MYCBP2: variants seen among roughly 807,000 people sequenced by gnomAD.
The protein encoded by MYCBP2 is E3 ubiquitin-protein ligase MYCBP2.
A neutral mutation model predicts 525.3 loss-of-function variants in MYCBP2; 120 were observed. The observed-to-expected ratio is 0.23, with a 90% CI of 0.20 to 0.27. The LOEUF (loss-of-function observed/expected upper bound fraction) is 0.27. MYCBP2 is among the 10% of genes least tolerant of loss of function. The pLI, the probability that MYCBP2 is intolerant of heterozygous loss-of-function variation, is 1.00. For synonymous variants in MYCBP2, 1,894 were observed against 1,955.8 expected (o/e 0.97, Z 0.83); for missense variants, 4,149 against 5,657.1 (o/e 0.73, Z 8.55).
chr13:77,090,493 T>C (rs56243387), intron 59 of MYCBP2: 10,388 of 321,238 alleles, frequency 0.032, 230 homozygotes, highest in Middle Eastern at 0.063. Context: ...ATCTACTTTG[T>C]ATTTTAAATG....
At chr13:77,108,171 T>C (rs1327014767) in intron 55 of MYCBP2, among the ~76,000 whole-genome samples, 2 of 152,186 alleles carry the variant, frequency 1.3e-5, no homozygotes, top group African/African-American at 4.8e-5. Flanking sequence ...GGAAAGAAGA[T>C]GGGACACATA....
chr13:77,046,211 T>C (rs1040896636), intron 82 of MYCBP2, among the ~76,000 whole-genome samples: 6 of 152,220 alleles, frequency 3.9e-5, no homozygotes, highest in Non-Finnish European at 5.9e-5. Context: ...CTTCACGTCA[T>C]GGGTTTCATA....
chr13:77,246,253 A>G (rs1372740468), intron 15 of MYCBP2, among the ~76,000 whole-genome samples: 2 of 152,230 alleles, frequency 1.3e-5, no homozygotes, highest in Non-Finnish European at 2.9e-5. Context: ...CACTTTTAAA[A>G]GCAAGCATTA....
intron 27 of MYCBP2, among the ~76,000 whole-genome samples, chr13:77,192,563 G>C (rs1322593228): frequency 2.0e-5 from 3 of 152,160 alleles, no homozygotes; most frequent in African/African-American, 7.2e-5. Flanking sequence ...AAAGAAGCAG[G>C]AGAATGTCAT....
At chr13:77,196,841 G>T (rs758379795) in intron 26 of MYCBP2, among the ~76,000 whole-genome samples, 1 of 152,302 alleles carries the variant, frequency 6.6e-6, no homozygotes. Context: ...CAGAGAAGAG[G>T]TTTATAAATT....
intron 15 of MYCBP2, among the ~76,000 whole-genome samples, chr13:77,245,834 A>G (rs9593217): frequency 7.3e-6 from 1 of 137,188 alleles, no homozygotes; most frequent in Admixed American, 8.0e-5. Context: ...ATACATATAT[A>G]TGTATATATA....
chr13:77,073,697 G>A (rs2041782719), intron 68 of MYCBP2, among the ~76,000 whole-genome samples: 1 of 152,006 alleles, frequency 6.6e-6, no homozygotes, highest in African/African-American at 2.4e-5. Context: ...TCACAGGGTA[G>A]AAATCTAATA....
intron 40 of MYCBP2, 113 bp from the exon 41 acceptor site, chr13:77,166,667 T>A: frequency 1.7e-6 from 1 of 598,354 alleles, no homozygotes; most frequent in South Asian, 4.4e-5. Context: ...CACAACAGGA[T>A]AAAGTACAAA....
chr13:77,191,375 C>A (rs1012338742), intron 28 of MYCBP2, among the ~76,000 whole-genome samples: 1 of 152,154 alleles, frequency 6.6e-6, no homozygotes, highest in Non-Finnish European at 1.5e-5. Context: ...CCAAACTCCT[C>A]ATTTTCCTTG....
chr13:77,180,151 C>G lies in MYCBP2; in HGVS notation c.5109G>C (p.Leu1703=), dbSNP rs2060086871. Reference sequence around the variant, plus strand: ...CCTCAGATCCCAGGGCTGACGCTGTCAGTTCACTGACAATGCTGGCCAGTA... The same window carrying G: ...CCTCAGATCCCAGGGCTGACGCTGTGAGTTCACTGACAATGCTGGCCAGTA... ...CGLLASIVSE[L]TASALGSEVD... is the part of the protein sequence containing the mutation. The change falls in exon 34 of 83, where the codon CTG becomes CTC. Residue 1703 remains leucine (L), a synonymous_variant. Coordinates refer to ENST00000544440, the MANE Select transcript of MYCBP2 (RefSeq NM_015057.5). 1 of 1,613,956 alleles carries G rather than the reference C, an allele frequency of 6.2e-7. No homozygotes were observed. Among genetic ancestry groups the G allele is most frequent in the East Asian group, 2.2e-5 (1 of 44,882 alleles).
Position 77,270,283 on chromosome 13 carries a change from G to T in MYCBP2, c.1188+13C>A. 2 of 1,597,952 alleles carry T rather than the reference G, an allele frequency of 1.3e-6. No individual in the cohort carries two copies. The highest frequency in any genetic ancestry group is 4.5e-5 in the East Asian group (2 of 44,562). On this transcript the variant is annotated intron_variant, in intron 6 of 82. Transcript: ENST00000544440. ...ACTCTGTATAATTAAGGAACTGTAA[G>T]GAATCACATTACCCTAACTGTTCCA...
intron 55 of MYCBP2, chr13:77,099,297 T>C: frequency 2.9e-6 from 1 of 341,416 alleles, no homozygotes; most frequent in Non-Finnish European, 5.3e-6. Context: ...TCTGCCCTAG[T>C]GCAATAACTA....
intron 15 of MYCBP2, among the ~76,000 whole-genome samples, chr13:77,249,806 A>G (rs966183312): frequency 2.0e-5 from 3 of 152,240 alleles, no homozygotes; most frequent in African/African-American, 7.2e-5. Flanking sequence ...AAATTTAAAA[A>G]TAAAGAAGTT....
intron 63 of MYCBP2, among the ~76,000 whole-genome samples, chr13:77,082,759 G>A (rs937550486): frequency 6.6e-6 from 1 of 152,018 alleles, no homozygotes; most frequent in Non-Finnish European, 1.5e-5. Context: ...AGTGATTTGA[G>A]GTAGGAGACT....
chr13:77,285,816 A>AAAAGGG, intron 3 of MYCBP2, among the ~76,000 whole-genome samples: 1 of 151,710 alleles, frequency 6.6e-6, no homozygotes, highest in Middle Eastern at 3.4e-3. Context: ...AAGGCAAAGG[A>AAAAGGG]AAAGGGAAAA....
rs570029200 is a variant in MYCBP2 at position 77,098,793 on chromosome 13, T to C, written c.8361A>G (p.Ser2787=). Residue 2787 remains serine (S), a synonymous_variant, in exon 56 of 83, where the codon TCA becomes TCG. Transcript: ENST00000544440. ...GCAAGGTGTTATGGTTGGGGGATAA[T>C]GACCTACTGTGGGAATCTGACCTCA... ...AKLRSDSHSR[S]LSPNHNTLQT... is the part of the protein sequence containing the mutation. 1 of 1,613,482 alleles carries C rather than the reference T, an allele frequency of 6.2e-7. No individual in the cohort carries two copies. The highest frequency in any genetic ancestry group is 1.7e-5 in the Admixed American group (1 of 59,918).
At chr13:77,057,299 T>G (rs1171381534) in intron 78 of MYCBP2, among the ~76,000 whole-genome samples, 2 of 152,238 alleles carry the variant, frequency 1.3e-5, no homozygotes, top group African/African-American at 2.4e-5. Flanking sequence ...TACTATTAAC[T>G]AGGCCTTTGG....
chr13:77,294,141 T>TATATATATATACATATATATATAC (rs1460788828), intron 2 of MYCBP2, among the ~76,000 whole-genome samples: 2 of 130,898 alleles, frequency 1.5e-5, no homozygotes, highest in Non-Finnish European at 3.3e-5. Flanking sequence ...CATATATATA[T>TATATATATATACATATATATATAC]ACATATATAT....
chr13:77,070,275 G>A (rs956119598), intron 69 of MYCBP2, among the ~76,000 whole-genome samples: 1 of 152,150 alleles, frequency 6.6e-6, no homozygotes, highest in Non-Finnish European at 1.5e-5. Flanking sequence ...GCATAAAAAA[G>A]CCTTCATAAA....
Sources: gnomAD v4.1 joint callset for allele counts (sites outside exome capture counted in the v4.1 genomes callset) on GRCh38, gnomAD v4.1.1 for gene constraint, MANE v1.5 for transcripts, NCBI Gene and HGNC (gene_info 2026-07-23, HGNC 2026-07-21) for gene names.